Variants in NSMCE2 observed in about 807,000 individuals in gnomAD.
NSMCE2 encodes the protein E3 SUMO-protein ligase NSE2.
A neutral mutation model predicts 23.8 loss-of-function variants in NSMCE2; 24 were observed. The ratio of observed to expected loss-of-function variants is 1.01; its 90% CI spans 0.73 to 1.42. The LOEUF is 1.42. NSMCE2 is among the 40% of genes most tolerant of loss of function. The probability of loss-of-function intolerance (pLI) is 0.00; values close to 1 mark genes in which losing one functional copy is unlikely to be tolerated. For missense variants in NSMCE2, 284 were observed against 296.5 expected (o/e 0.96, Z 0.31); for synonymous variants, 92 against 94.1 (o/e 0.98, Z 0.13).
intron 5 of NSMCE2, among the ~76,000 whole-genome samples, chr8:125,312,957 A>G (rs890958659): frequency 2.0e-5 from 3 of 152,178 alleles, no homozygotes; most frequent in Non-Finnish European, 4.4e-5. Context: ...ATCACATGCA[A>G]AGGCCCTGGG....
chr8:125,331,083 C>T (rs989738178), intron 5 of NSMCE2, among the ~76,000 whole-genome samples: 5 of 152,084 alleles, frequency 3.3e-5, no homozygotes, highest in East Asian at 1.9e-4. Flanking sequence ...AGGCGGATCA[C>T]GAGGTCAAGA....
intron 4 of NSMCE2, among the ~76,000 whole-genome samples, chr8:125,174,137 A>T (rs946629696): frequency 6.6e-6 from 1 of 152,048 alleles, no homozygotes; most frequent in African/African-American, 2.4e-5. Context: ...CCAGCACTTG[A>T]TATATTTCCT....
At chr8:125,161,922 A>G (rs1213116011) in intron 4 of NSMCE2, among the ~76,000 whole-genome samples, 2 of 152,128 alleles carry the variant, frequency 1.3e-5, no homozygotes, top group Non-Finnish European at 1.5e-5. Flanking sequence ...AAGGTCTCAC[A>G]TGCTTCTCTG....
At chr8:125,104,488 G>A (rs1160823241) in intron 3 of NSMCE2, among the ~76,000 whole-genome samples, 1 of 152,200 alleles carries the variant, frequency 6.6e-6, no homozygotes, top group Non-Finnish European at 1.5e-5. Flanking sequence ...GGTTCAGTGC[G>A]ATAGCTCTAC....
chr8:125,152,776 G>T (rs748084441), intron 4 of NSMCE2, among the ~76,000 whole-genome samples: 3 of 152,008 alleles, frequency 2.0e-5, no homozygotes, highest in Non-Finnish European at 4.4e-5. Flanking sequence ...TTGAACTCTT[G>T]GCTGGGCGCG....
chr8:125,130,711 C>T (rs769914241), intron 3 of NSMCE2, among the ~76,000 whole-genome samples: 6 of 152,184 alleles, frequency 3.9e-5, no homozygotes, highest in Non-Finnish European at 8.8e-5. Flanking sequence ...ATACCTGTCA[C>T]TTGTATGTGT....
intron 4 of NSMCE2, among the ~76,000 whole-genome samples, chr8:125,158,507 A>C (rs1470858249): frequency 6.6e-6 from 1 of 152,204 alleles, no homozygotes; most frequent in Non-Finnish European, 1.5e-5. Context: ...CAGGCTGACC[A>C]CAGCACTCCA....
chr8:125,326,147 C>G (rs1426666353), intron 5 of NSMCE2, among the ~76,000 whole-genome samples: 3 of 151,828 alleles, frequency 2.0e-5, no homozygotes, highest in Non-Finnish European at 4.4e-5. Flanking sequence ...GTCCCAGCTA[C>G]TCGGGAGGCT....
intron 5 of NSMCE2, among the ~76,000 whole-genome samples, chr8:125,331,667 T>C (rs1276256772): frequency 1.3e-5 from 2 of 152,188 alleles, no homozygotes; most frequent in Non-Finnish European, 2.9e-5. Context: ...GTTTGGGGAC[T>C]GCCTTCAAAA....
At chr8:125,325,660 T>C (rs112847332) in intron 5 of NSMCE2, among the ~76,000 whole-genome samples, 1,768 of 152,252 alleles carry the variant, frequency 0.012, 39 homozygotes, top group African/African-American at 0.039. Context: ...GCAGCTATTT[T>C]TAAAAATGAA....
At chr8:125,149,801 T>C (rs1271449574) in intron 3 of NSMCE2, among the ~76,000 whole-genome samples, 1 of 152,202 alleles carries the variant, frequency 6.6e-6, no homozygotes, top group Non-Finnish European at 1.5e-5. Context: ...CTGATTGTTA[T>C]TCTTAGTGGC....
chr8:125,151,763 A>G (rs752131191), intron 4 of NSMCE2, among the ~76,000 whole-genome samples: 6 of 152,206 alleles, frequency 3.9e-5, no homozygotes, highest in Non-Finnish European at 8.8e-5. Context: ...AGCCAAACTT[A>G]TCTTTGTTGA....
intron 5 of NSMCE2, among the ~76,000 whole-genome samples, chr8:125,273,561 AG>A (rs760636981): frequency 2.6e-5 from 4 of 152,238 alleles, no homozygotes; most frequent in Admixed American, 6.5e-5. Context: ...TTTAGTTCAA[AG>A]GAATTGGAAA....
At chr8:125,299,418 A>C (rs192952318) in intron 5 of NSMCE2, among the ~76,000 whole-genome samples, 1 of 152,332 alleles carries the variant, frequency 6.6e-6, no homozygotes, top group Admixed American at 6.5e-5. Context: ...AAGAGCAAGC[A>C]AGGAATGTCT....
At chr8:125,210,789 C>T (rs939432128) in intron 5 of NSMCE2, among the ~76,000 whole-genome samples, 5 of 152,166 alleles carry the variant, frequency 3.3e-5, no homozygotes, top group African/African-American at 1.2e-4. Context: ...TCTCGGCTCA[C>T]TGCTCACTGC....
At chr8:125,254,435 A>G (rs1236120754) in intron 5 of NSMCE2, among the ~76,000 whole-genome samples, 6 of 152,240 alleles carry the variant, frequency 3.9e-5, no homozygotes, top group African/African-American at 1.4e-4. Flanking sequence ...AAAATTAACC[A>G]TGCTCATTCA....
intron 1 of NSMCE2, among the ~76,000 whole-genome samples, chr8:125,093,762 G>C (rs967451881): frequency 2.0e-5 from 3 of 151,862 alleles, no homozygotes; most frequent in Admixed American, 6.6e-5. Flanking sequence ...CTGAAGAGAA[G>C]GTTTTCTCAT....
intron 5 of NSMCE2, among the ~76,000 whole-genome samples, chr8:125,342,722 G>T (rs1830293926): frequency 6.6e-6 from 1 of 151,268 alleles, no homozygotes; most frequent in Non-Finnish European, 1.5e-5. Flanking sequence ...TTTTCTGTTA[G>T]GCTAACTTCA....
At chr8:125,162,739 C>T (rs996606297) in intron 4 of NSMCE2, among the ~76,000 whole-genome samples, 6 of 152,192 alleles carry the variant, frequency 3.9e-5, no homozygotes, top group Admixed American at 3.9e-4. Flanking sequence ...ACACCTACCA[C>T]AGGCTGATTT....
Sources: allele counts gnomAD v4.1 joint callset (sites outside exome capture counted in the v4.1 genomes callset), GRCh38; gene constraint gnomAD v4.1.1; transcripts MANE v1.5; gene names NCBI Gene and HGNC (gene_info 2026-07-23, HGNC 2026-07-21).